CACNA1C: variants seen among roughly 807,000 people sequenced by gnomAD.
The protein encoded by CACNA1C is voltage-dependent L-type calcium channel subunit alpha-1C.
A neutral mutation model predicts 229.0 loss-of-function variants in CACNA1C; 30 were observed. That is an observed-to-expected ratio of 0.13 (90% CI 0.10 to 0.18). CACNA1C has a LOEUF of 0.18. CACNA1C is among the 10% of genes least tolerant of loss of function. The probability of loss-of-function intolerance (pLI) is 1.00; values close to 1 mark genes in which losing one functional copy is unlikely to be tolerated. For missense variants in CACNA1C, 1,658 were observed against 2,845.0 expected, an observed-to-expected ratio of 0.58 and a Z score of 9.49; for synonymous variants, 1,114 against 1,132.5, an observed-to-expected ratio of 0.98 and a Z score of 0.33.
At chr12:2,136,102 G>A (rs537947869) in intron 3 of CACNA1C, among the ~76,000 whole-genome samples, 9 of 151,400 alleles carry the variant, frequency 5.9e-5, no homozygotes, top group East Asian at 3.9e-4. Flanking sequence ...TCTTTGACTC[G>A]GAAAGGGAAC....
In CACNA1C at chr12:2,108,508, A is replaced by T. The variant is rs2080158307; in HGVS notation, c.50-6716A>T. Among the ~76,000 whole-genome samples the T allele has an allele frequency of 6.6e-6, 1 of 152,166 alleles. No homozygotes were observed. The highest frequency in any genetic ancestry group is 2.1e-4 in the South Asian group (1 of 4,830). Reference sequence around the variant, plus strand: ...TGACGTAGTTTTGATTCAGTTCTTGATTGGCAAAAGTTGTGTCAGGAATTC... The same window carrying T: ...TGACGTAGTTTTGATTCAGTTCTTGTTTGGCAAAAGTTGTGTCAGGAATTC... On this transcript the variant is annotated intron_variant, in intron 1 of 46. Coordinates refer to ENST00000399655, the MANE Select transcript of CACNA1C (RefSeq NM_000719.7). This position sits in a 1 kb window ranked among gnomAD's most constrained non-coding sequence, Gnocchi z 5.3.
intron 11 of CACNA1C, among the ~76,000 whole-genome samples, chr12:2,561,730 G>A (rs1442257226): frequency 6.6e-6 from 1 of 152,140 alleles, no homozygotes; most frequent in African/African-American, 2.4e-5. Flanking sequence ...AAGTTTAGAA[G>A]CAGTGATCCC....
At chr12:2,670,248 C>A (rs2096485035) in intron 38 of CACNA1C, among the ~76,000 whole-genome samples, 1 of 152,142 alleles carries the variant, frequency 6.6e-6, no homozygotes, top group African/African-American at 2.4e-5. Flanking sequence ...ACACTTCCAG[C>A]TTAAAGCTCA....
At chr12:2,210,708 T>A (rs1350685775) in intron 3 of CACNA1C, among the ~76,000 whole-genome samples, 1 of 152,206 alleles carries the variant, frequency 6.6e-6, no homozygotes, top group Non-Finnish European at 1.5e-5. Context: ...ATTTCATTGA[T>A]CAAAGTGTAT....
rs2092422557 is a variant in CACNA1C, at chr12:2,285,115, C to T, written c.478-163861C>T. 6.6e-6 allele frequency among the ~76,000 whole-genome samples: 1 copy of T among 152,208 alleles called. No individual in the cohort carries two copies. Among genetic ancestry groups the T allele is most frequent in the South Asian group, 2.1e-4 (1 of 4,824 alleles). On this transcript the variant is annotated intron_variant, in intron 3 of 46. Coordinates refer to ENST00000399655, the MANE Select transcript of CACNA1C (RefSeq NM_000719.7). The surrounding 1 kb of genome is among the most constrained non-coding windows in gnomAD (Gnocchi z 4.2). ...GCTAAGTGCTGACGGCAGCCTGTCA[C>T]TCACACCTTGCTCCCTCTGTAGAAA...
intron 3 of CACNA1C, among the ~76,000 whole-genome samples, chr12:2,297,418 C>G (rs1433075644): frequency 6.6e-6 from 1 of 152,204 alleles, no homozygotes; most frequent in African/African-American, 2.4e-5. Context: ...AGTACACTGG[C>G]TTGATTCACT....
In CACNA1C at chr12:2,319,035, A is replaced by G. The variant is rs16929248; in HGVS notation, c.478-129941A>G. 0.12 allele frequency among the ~76,000 whole-genome samples: 18,839 copies of G among 151,970 alleles called. 1,311 individuals are homozygous for G. The highest frequency in any genetic ancestry group is 0.18 in the African/African-American group (7,578 of 41,402). On this transcript the variant is annotated intron_variant, in intron 3 of 46. Transcript: ENST00000399655. This position sits in a 1 kb window ranked among gnomAD's most constrained non-coding sequence, Gnocchi z 4.0. ...CTTTTCTGACAATAGTGGTGTTTCC[A>G]AGGACCAATCTTTACTCTCCAGAGT...
chr12:2,199,298 T>C (rs1037674317), intron 3 of CACNA1C, among the ~76,000 whole-genome samples: 3 of 152,180 alleles, frequency 2.0e-5, no homozygotes, highest in African/African-American at 7.2e-5. Context: ...GTGGATTTCC[T>C]TCCATCTCTG....
In CACNA1C at chr12:2,067,320, T is replaced by TG. The variant is rs1284891507; in HGVS notation, c.49+13710dup. Among the ~76,000 whole-genome samples the TG allele has an allele frequency of 6.6e-6, 1 of 152,080 alleles. No homozygotes were observed. Among genetic ancestry groups the TG allele is most frequent in the East Asian group, 1.9e-4 (1 of 5,180 alleles). On this transcript the variant is annotated intron_variant, in intron 1 of 46. Coordinates refer to ENST00000399655, the MANE Select transcript of CACNA1C (RefSeq NM_000719.7). The surrounding 1 kb of genome is among the most constrained non-coding windows in gnomAD (Gnocchi z 5.3). Reference sequence around the variant, plus strand: ...AATAGCCAATGGGCCCCTTGAGCTCTGAGTGGATGCACAAAGGGCCAGGTG... The same window carrying TG: ...AATAGCCAATGGGCCCCTTGAGCTCTGGAGTGGATGCACAAAGGGCCAGGTG...
At chr12:2,199,857 G>A (rs2098013) in intron 3 of CACNA1C, among the ~76,000 whole-genome samples, 51,958 of 151,754 alleles carry the variant, frequency 0.34, 9,336 homozygotes, top group South Asian at 0.39. Context: ...ACTCAGTCTG[G>A]GCAACAGAGT....
At chr12:2,386,179 A>G (rs1309049702) in intron 3 of CACNA1C, among the ~76,000 whole-genome samples, 34 of 152,140 alleles carry the variant, frequency 2.2e-4, no homozygotes, top group Non-Finnish European at 4.4e-5. Context: ...GAAATTGACC[A>G]TGGCATGAGT....
intron 38 of CACNA1C, among the ~76,000 whole-genome samples, chr12:2,673,097 G>T (rs1342530977): frequency 6.6e-6 from 1 of 152,208 alleles, no homozygotes; most frequent in Admixed American, 6.5e-5. Context: ...ATACTGGACT[G>T]CCGGTCCTAT....
At chr12:2,194,788 G>A (rs757588534) in intron 3 of CACNA1C, among the ~76,000 whole-genome samples, 7 of 152,168 alleles carry the variant, frequency 4.6e-5, no homozygotes, top group Non-Finnish European at 1.0e-4. Flanking sequence ...CCTGAGGGGA[G>A]GAGTCACTGG....
intron 3 of CACNA1C, among the ~76,000 whole-genome samples, chr12:2,153,575 C>T (rs965716488): frequency 2.0e-5 from 3 of 152,220 alleles, no homozygotes; most frequent in Non-Finnish European, 4.4e-5. Flanking sequence ...AGTATTTGTC[C>T]TTTTGTGACT....
intron 37 of CACNA1C, among the ~76,000 whole-genome samples, chr12:2,667,331 G>GGCCACTCCACGCTCC (rs1603430431): frequency 1.0e-5 from 1 of 97,552 alleles, no homozygotes; most frequent in African/African-American, 8.2e-5. Flanking sequence ...CGTGCTCCTT[G>GGCCACTCCACGCTCC]TTGGGGCAAT....
intron 1 of CACNA1C, among the ~76,000 whole-genome samples, chr12:2,039,755 G>A (rs2049760670): frequency 6.6e-6 from 1 of 152,174 alleles, no homozygotes; most frequent in Non-Finnish European, 1.5e-5. Flanking sequence ...AAAGGATGGA[G>A]GTCTGCAGTT....
chr12:2,598,374 T>C (rs1207141632), intron 21 of CACNA1C, among the ~76,000 whole-genome samples: 1 of 152,162 alleles, frequency 6.6e-6, no homozygotes, highest in Non-Finnish European at 1.5e-5. Context: ...TATTCCTCCA[T>C]TTTTCGGGTA....
At chr12:2,252,667 G>A (rs985635096) in intron 3 of CACNA1C, among the ~76,000 whole-genome samples, 16 of 152,192 alleles carry the variant, frequency 1.1e-4, no homozygotes, top group Non-Finnish European at 1.3e-4. Context: ...CAGGTTCTAT[G>A]TAGAGCAAAT....
rs552511532 is a variant in CACNA1C at position 2,616,721 on chromosome 12, G to A, written c.3828+4708G>A. Reference sequence around the variant, plus strand: ...TTGCCCTAGTGACAGAAATCTAACAGCCGTGAGCCCCTCTGGGTTCTTAGC... The same window carrying A: ...TTGCCCTAGTGACAGAAATCTAACAACCGTGAGCCCCTCTGGGTTCTTAGC... On this transcript the variant is annotated intron_variant, in intron 29 of 46. Transcript: ENST00000399655. Among the ~76,000 whole-genome samples, 9 of 152,362 alleles carry A rather than the reference G, an allele frequency of 5.9e-5. No individual in the cohort carries two copies. In the East Asian group the frequency reaches 1.5e-3, roughly 26 times the overall value.
Sources: allele counts gnomAD v4.1 joint callset (sites outside exome capture counted in the v4.1 genomes callset), GRCh38; gene constraint gnomAD v4.1.1; non-coding constraint Gnocchi (gnomAD v3.1); transcripts MANE v1.5; gene names NCBI Gene and HGNC (gene_info 2026-07-23, HGNC 2026-07-21).